DOCK4: variants seen among roughly 807,000 people sequenced by gnomAD.
DOCK4 encodes the protein dedicator of cytokinesis protein 4.
DOCK4 carries 97 observed loss-of-function variants against 268.1 expected under a neutral mutation model. That is an observed-to-expected ratio of 0.36 (90% CI 0.31 to 0.43). DOCK4 has a LOEUF of 0.43. Among genes scored for constraint, DOCK4 ranks in the 20% least tolerant of loss-of-function variants. The pLI is 1.00. For missense variants in DOCK4, 2,145 were observed against 2,455.7 expected (o/e 0.87, Z 2.67); for synonymous variants, 954 against 887.2 (o/e 1.08, Z -1.34).
intron 1 of DOCK4, among the ~76,000 whole-genome samples, chr7:112,007,296 T>G (rs1223779068): frequency 2.0e-5 from 3 of 152,032 alleles, no homozygotes; most frequent in African/African-American, 7.3e-5. Context: ...CATCTGAGTA[T>G]AAGAATGGAG....
intron 1 of DOCK4, among the ~76,000 whole-genome samples, chr7:112,024,259 A>T (rs2135425416): frequency 6.6e-6 from 1 of 152,340 alleles, no homozygotes; most frequent in East Asian, 1.9e-4. Flanking sequence ...TTTAAATATC[A>T]TCTAAACGCT....
At chr7:112,016,850 G>T (rs1482786085) in intron 1 of DOCK4, among the ~76,000 whole-genome samples, 1 of 152,056 alleles carries the variant, frequency 6.6e-6, no homozygotes, top group Non-Finnish European at 1.5e-5. Context: ...ACAAATTAAC[G>T]TTTTTGTCCA....
At chr7:112,128,149 G>T (rs1813412540) in intron 1 of DOCK4, among the ~76,000 whole-genome samples, 1 of 152,234 alleles carries the variant, frequency 6.6e-6, no homozygotes, top group Non-Finnish European at 1.5e-5. Flanking sequence ...GGCAAGGGTA[G>T]ATTCCAGTAC....
At chr7:111,748,454 T>G (rs1019546341) in intron 42 of DOCK4, among the ~76,000 whole-genome samples, 2 of 151,936 alleles carry the variant, frequency 1.3e-5, no homozygotes, top group African/African-American at 4.8e-5. Flanking sequence ...AATGAGCAAA[T>G]GAATTAAACA....
chr7:112,168,896 C>G lies in DOCK4; in HGVS notation c.37+37206G>C, dbSNP rs145721774. Among the ~76,000 whole-genome samples the G allele has an allele frequency of 1.7e-3, 261 of 152,248 alleles. 8 individuals are homozygous for G. In the East Asian group the frequency reaches 0.041, roughly 24 times the overall value. ...ATGAAAAATTACATTCTAAGCATGG[C>G]CAACTTAAAAAATAGTATCAGCACC... On this transcript the variant is annotated intron_variant, in intron 1 of 52. Transcript: ENST00000428084.
chr7:112,025,938 C>G (rs896094229), intron 1 of DOCK4, among the ~76,000 whole-genome samples: 7 of 152,222 alleles, frequency 4.6e-5, no homozygotes, highest in African/African-American at 1.7e-4. Context: ...TCCCCCAACC[C>G]TGGGGCTTCA....
chr7:112,099,964 A>G (rs1164374504), intron 1 of DOCK4, among the ~76,000 whole-genome samples: 4 of 152,182 alleles, frequency 2.6e-5, no homozygotes, highest in Admixed American at 2.6e-4. Context: ...GCAAAACAAG[A>G]ACTCACAAAT....
intron 1 of DOCK4, among the ~76,000 whole-genome samples, chr7:112,084,275 T>C (rs762676624): frequency 7.9e-5 from 12 of 152,156 alleles, no homozygotes; most frequent in Non-Finnish European, 1.3e-4. Flanking sequence ...GATGCAATCA[T>C]AAAGAAAAAG....
At position 112,133,140 on chromosome 7, in the gene DOCK4, G is replaced by T. The variant is rs150290696; in HGVS notation, c.37+72962C>A. Among the ~76,000 whole-genome samples the T allele has an allele frequency of 2.6e-4, 40 of 152,188 alleles. 1 individual carries two copies. Among genetic ancestry groups the T allele is most frequent in the Middle Eastern group, 3.4e-3 (1 of 294 alleles). Reference sequence around the variant, plus strand: ...CCAGAATAGGGATACAGGTCATACCGCATCTCTCTAGTGTTTTGAGGAGAG... The same window carrying T: ...CCAGAATAGGGATACAGGTCATACCTCATCTCTCTAGTGTTTTGAGGAGAG... On this transcript the variant is annotated intron_variant, in intron 1 of 52. Transcript: ENST00000428084.
intron 39 of DOCK4, 122 bp from the exon 40 acceptor site, chr7:111,760,444 A>G: frequency 1.9e-6 from 2 of 1,043,018 alleles, no homozygotes; most frequent in South Asian, 3.3e-5. Flanking sequence ...TATAACAAAA[A>G]TTACGCTGGA....
chr7:111,901,835 T>C, intron 13 of DOCK4, 34 bp from the exon 14 acceptor site: 1 of 1,457,212 alleles, frequency 6.9e-7, no homozygotes, highest in Non-Finnish European at 9.4e-7. Flanking sequence ...CCATGTTATA[T>C]ATATATGAGG....
rs538857928 is a variant in DOCK4 at position 112,022,403 on chromosome 7, C to T, written c.38-18272G>A. ...TCGGTGGTGGTACAGGAGAGGGTTC[C>T]GCCCCTGACCAGCTGATGGCTGTCC... On this transcript the variant is annotated intron_variant, in intron 1 of 52. Coordinates refer to ENST00000428084, the MANE Select transcript of DOCK4 (RefSeq NM_001363540.2). Among the ~76,000 whole-genome samples the T allele has an allele frequency of 6.6e-5, 10 of 152,248 alleles. No homozygotes were observed. In the East Asian group the frequency reaches 1.2e-3, roughly 18 times the overall value.
At chr7:111,854,876 G>T (rs994716790) in intron 23 of DOCK4, among the ~76,000 whole-genome samples, 1 of 152,176 alleles carries the variant, frequency 6.6e-6, no homozygotes, top group African/African-American at 2.4e-5. Flanking sequence ...GGAAACAGAC[G>T]TTAATCAATG....
intron 1 of DOCK4, among the ~76,000 whole-genome samples, chr7:112,028,545 GAAT>G (rs955956962): frequency 1.1e-4 from 17 of 152,150 alleles, no homozygotes; most frequent in Non-Finnish European, 1.8e-4. Context: ...TGTAATTGTC[GAAT>G]AATAACTTAA....
intron 1 of DOCK4, among the ~76,000 whole-genome samples, chr7:112,109,905 C>T (rs1264009929): frequency 6.7e-6 from 1 of 149,396 alleles, no homozygotes; most frequent in South Asian, 2.1e-4. Flanking sequence ...CCATCACGCC[C>T]GGCTAATTTT....
intron 1 of DOCK4, among the ~76,000 whole-genome samples, chr7:112,005,385 A>G (rs1185063003): frequency 6.6e-6 from 1 of 152,244 alleles, no homozygotes; most frequent in Admixed American, 6.5e-5. Context: ...AGAAAACACA[A>G]GCCAAAGTCC....
At chr7:111,970,653 A>T (rs1045003418) in intron 8 of DOCK4, among the ~76,000 whole-genome samples, 1 of 152,212 alleles carries the variant, frequency 6.6e-6, no homozygotes, top group Non-Finnish European at 1.5e-5. Context: ...ACTAATAATT[A>T]TCTTTTATAG....
In DOCK4 at chr7:111,782,849, G is replaced by C. The variant is rs745651925; in HGVS notation, c.3585+15C>G. On this transcript the variant is annotated intron_variant, in intron 35 of 52. Coordinates refer to ENST00000428084, the MANE Select transcript of DOCK4 (RefSeq NM_001363540.2). ...TATTAGGAGAAAAGGAGAAAAAGGG[G>C]AATAGTTTACTAACCAGAAGGCTAA... 6.2e-7 allele frequency: 1 copy of C among 1,612,884 alleles called. No individual in the cohort carries two copies. Among genetic ancestry groups the C allele is most frequent in the South Asian group, 1.1e-5 (1 of 91,010 alleles).
At chr7:111,921,203 C>T (rs1388824353) in intron 12 of DOCK4, among the ~76,000 whole-genome samples, 1 of 152,112 alleles carries the variant, frequency 6.6e-6, no homozygotes, top group African/African-American at 2.4e-5. Context: ...AAATACTTAA[C>T]ATTTAATTTT....
Sources: allele counts gnomAD v4.1 joint callset (sites outside exome capture counted in the v4.1 genomes callset), GRCh38; gene constraint gnomAD v4.1.1; transcripts MANE v1.5; gene names NCBI Gene and HGNC (gene_info 2026-07-23, HGNC 2026-07-21).